ICE1: variants seen among roughly 807,000 people sequenced by gnomAD.
ICE1 encodes interactor of little elongation complex ELL subunit 1.
A neutral mutation model predicts 192.7 loss-of-function variants in ICE1; 64 were observed. The ratio of observed to expected loss-of-function variants is 0.33; its 90% CI spans 0.27 to 0.41. ICE1 has a LOEUF of 0.41. Ranked by LOEUF, ICE1 falls within the 10% of genes least tolerant of loss-of-function variation. ICE1 has a pLI of 1.00. For missense variants in ICE1, 2,708 were observed against 2,696.0 expected (o/e 1.00, Z -0.10); for synonymous variants, 1,010 against 984.5 (o/e 1.03, Z -0.49).
At position 5,464,221 on chromosome 5, in the gene ICE1, G is replaced by C. The variant is rs892909159; in HGVS notation, c.4887G>C (p.Gly1629=). ...DTLSKIRQEV[G]PPLPPLLAPL... Reference sequence around the variant, plus strand: ...TGAGTAAAATACGGCAAGAGGTGGGGCCTCCTTTGCCGCCTCTGCTTGCTC... The same window carrying C: ...TGAGTAAAATACGGCAAGAGGTGGGCCCTCCTTTGCCGCCTCTGCTTGCTC... The change falls in exon 13 of 19, where the codon GGG becomes GGC. Residue 1629 remains glycine (G), a synonymous_variant. Transcript: ENST00000296564. This position sits in a 1 kb window ranked among gnomAD's most constrained non-coding sequence, Gnocchi z 4.0. 1 of 1,613,320 alleles carries C rather than the reference G, an allele frequency of 6.2e-7. No individual in the cohort carries two copies. Among genetic ancestry groups the C allele is most frequent in the Non-Finnish European group, 8.5e-7 (1 of 1,179,820 alleles).
chr5:5,433,167 A>C (rs1357988194), intron 1 of ICE1, among the ~76,000 whole-genome samples: 2 of 152,112 alleles, frequency 1.3e-5, no homozygotes, highest in Non-Finnish European at 2.9e-5. Context: ...GGTTTATTTA[A>C]TCTTTATGCT....
At chr5:5,438,039 T>C (rs1579543111) in intron 3 of ICE1, among the ~76,000 whole-genome samples, 1 of 152,332 alleles carries the variant, frequency 6.6e-6, no homozygotes, top group Admixed American at 6.5e-5. Context: ...GACTGGGTAA[T>C]GTATAAAGGA....
chr5:5,483,152 G>A (rs563406712), intron 17 of ICE1, among the ~76,000 whole-genome samples: 49 of 152,020 alleles, frequency 3.2e-4, no homozygotes, highest in African/African-American at 1.1e-3. Context: ...CACCATGCTC[G>A]GCTAATTTTT....
chr5:5,457,468 C>T lies in ICE1; in HGVS notation c.828C>T (p.Asp276=). Residue 276 remains aspartate, a synonymous_variant, in exon 12 of 19, where the codon GAC becomes GAT. Coordinates refer to ENST00000296564, the MANE Select transcript of ICE1 (RefSeq NM_015325.3). The part of the protein sequence containing the change: ...LTKLSMEIKE[D]FLCQNVEKQS... The stretch of plus-strand genomic sequence containing the variant: ...AACTGTCCATGGAGATAAAGGAGGA[C>T]TTTTTATGTCAAAATGTGGAAAAAC... The T allele has an allele frequency of 6.2e-7, 1 of 1,613,788 alleles. No individual in the cohort carries two copies. Among genetic ancestry groups the T allele is most frequent in the South Asian group, 1.1e-5 (1 of 91,076 alleles).
rs1370051774 is a variant in ICE1, at chr5:5,462,831, A to G, written c.3497A>G (p.Glu1166Gly). 1 of 1,610,452 alleles carries G rather than the reference A, an allele frequency of 6.2e-7. No homozygotes were observed. Among genetic ancestry groups the G allele is most frequent in the Non-Finnish European group, 8.5e-7 (1 of 1,178,094 alleles). Reference protein sequence around the residue: ...LQDFNISTFSELDRLSTSEVV... With the variant: ...LQDFNISTFSGLDRLSTSEVV... ...GATTTTAACATAAGTACTTTTTCTG[A>G]GCTGGATAGACTTTCCACATCAGAG... Residue 1166 changes from glutamate (E) to glycine (G), a missense_variant, in exon 13 of 19, where the codon GAG becomes GGG. By Grantham distance (98) the Glu-to-Gly change is moderately conservative. Transcript: ENST00000296564.
At chr5:5,429,050 A>C (rs1737616491) in intron 1 of ICE1, among the ~76,000 whole-genome samples, 1 of 152,164 alleles carries the variant, frequency 6.6e-6, no homozygotes, top group African/African-American at 2.4e-5. Flanking sequence ...TATGGGGCAA[A>C]GTCTGGGGAA....
rs1279548932 is a variant in ICE1 at position 5,468,882 on chromosome 5, T to C, written c.6116T>C (p.Ile2039Thr). 3.1e-6 allele frequency: 5 copies of C among 1,601,720 alleles called. No homozygotes were observed. The highest frequency in any genetic ancestry group is 1.7e-5 in the Admixed American group (1 of 57,374). ...TLFIANMWHD[I>T]FLSQSVINKA... ...TTTATTGCAAACATGTGGCATGATA[T>C]ATTTCTCTCTCAATCGGTGATTAAT... Residue 2039 changes from isoleucine to threonine, a missense_variant, in exon 15 of 19, where the codon ATA (isoleucine) becomes ACA (threonine). Transcript: ENST00000296564.
intron 16 of ICE1, 66 bp from the exon 17 acceptor site, chr5:5,475,907 T>C (rs373759552): frequency 1.0e-6 from 1 of 974,074 alleles, no homozygotes; most frequent in Non-Finnish European, 1.6e-6. Context: ...TTAAGGATCA[T>C]TTATAAGATA....
chr5:5,456,068 A>G (rs1738572891), intron 11 of ICE1, among the ~76,000 whole-genome samples: 1 of 152,160 alleles, frequency 6.6e-6, no homozygotes, highest in Middle Eastern at 3.4e-3. Context: ...CTCATGTCAG[A>G]TTGAGGTTGT....
chr5:5,446,698 AGTAAAAAAAATT>A (rs1419239111), intron 7 of ICE1, among the ~76,000 whole-genome samples: 1 of 152,242 alleles, frequency 6.6e-6, no homozygotes, highest in Non-Finnish European at 1.5e-5. Context: ...TAGTTTTTCT[AGTAAAAAAAATT>A]TATCGGTGTG....
chr5:5,466,501 AG>A lies in ICE1; in HGVS notation c.6061+1del. 6.2e-7 allele frequency: 1 copy of A among 1,603,918 alleles called. No homozygotes were observed. Among genetic ancestry groups the A allele is most frequent in the Non-Finnish European group, 8.5e-7 (1 of 1,176,768 alleles). On this transcript the variant is annotated frameshift_variant and splice_region_variant, in exon 14 of 19. Transcript: ENST00000296564. LOFTEE classifies it high-confidence loss of function. Reference sequence around the variant, plus strand: ...TGTTTTGCTACAGCCTACTTAAAGAAGGTATGCTTAGATTGTGACAATTTTG... The same window carrying A: ...TGTTTTGCTACAGCCTACTTAAAGAAGTATGCTTAGATTGTGACAATTTTG... ...RLFCYSLLKEDFPESEKLTLF... is the reference protein window; with the variant it reads ...RLFCYSLLKEXFPESEKLTLF...
Position 5,432,287 on chromosome 5 carries a change from G to A in ICE1, c.85-4131G>A, listed in dbSNP as rs576260990. On this transcript the variant is annotated intron_variant, in intron 1 of 18. Coordinates refer to ENST00000296564, the MANE Select transcript of ICE1 (RefSeq NM_015325.3). The stretch of plus-strand genomic sequence containing the variant: ...CATATGAATGGACTCTAGAATACAC[G>A]TGGACTTTTGTAACTGGCTTTTTTC... 3.3e-5 allele frequency among the ~76,000 whole-genome samples: 5 copies of A among 152,264 alleles called. No homozygotes were observed. In the South Asian group the frequency reaches 6.2e-4, roughly 19 times the overall value.
At chr5:5,427,477 C>A (rs970028671) in intron 1 of ICE1, among the ~76,000 whole-genome samples, 1 of 152,188 alleles carries the variant, frequency 6.6e-6, no homozygotes, top group Non-Finnish European at 1.5e-5. Flanking sequence ...CAGTTGGATT[C>A]TCCTGGGGAT....
rs1471000092 is a variant in ICE1 at position 5,461,123 on chromosome 5, G to C, written c.1789G>C (p.Glu597Gln). Reference protein sequence around the residue: ...RLSRELEKEKEDTQGFTLGES... With the variant: ...RLSRELEKEKQDTQGFTLGES... ...ATCTAGAGAATTGGAAAAGGAAAAA[G>C]AAGATACTCAAGGGTTCACTTTAGG... The change falls in exon 13 of 19, where the codon GAA (glutamate) becomes CAA (glutamine). Residue 597 changes from glutamate to glutamine, a missense_variant. Transcript: ENST00000296564. The C allele has an allele frequency of 6.2e-7, 1 of 1,614,008 alleles. No individual in the cohort carries two copies. Among genetic ancestry groups the C allele is most frequent in the Non-Finnish European group, 8.5e-7 (1 of 1,179,892 alleles).
chr5:5,471,170 G>A (rs1739146156), intron 15 of ICE1, among the ~76,000 whole-genome samples: 1 of 152,146 alleles, frequency 6.6e-6, no homozygotes. Context: ...AGCAAAAATA[G>A]TGAAGATTTG....
intron 7 of ICE1, among the ~76,000 whole-genome samples, chr5:5,446,403 T>G (rs996127338): frequency 1.3e-5 from 2 of 152,048 alleles, no homozygotes; most frequent in Non-Finnish European, 2.9e-5. Flanking sequence ...CAGGTGATTA[T>G]TCCACCTCCT....
rs1385498840 is a variant in ICE1 at position 5,433,626 on chromosome 5, G to A, written c.85-2792G>A. Among the ~76,000 whole-genome samples the A allele has an allele frequency of 1.3e-5, 2 of 152,172 alleles. 1 individual carries two copies. On this transcript the variant is annotated intron_variant, in intron 1 of 18. Transcript: ENST00000296564. ...TGCATGCATCCACCCTCTCTGCCCA[G>A]AAATCTGGATTAGGGCCCACTCTAG... is the stretch of plus-strand genomic sequence containing the variant.
intron 1 of ICE1, among the ~76,000 whole-genome samples, chr5:5,434,923 A>C (rs1405912498): frequency 6.6e-6 from 1 of 152,216 alleles, no homozygotes; most frequent in African/African-American, 2.4e-5. Context: ...ATGTCTATTG[A>C]CTATTCCAAA....
Position 5,460,723 on chromosome 5 carries a change from C to A in ICE1, c.1389C>A (p.His463Gln). 6.2e-7 allele frequency: 1 copy of A among 1,614,004 alleles called. No homozygotes were observed. ...CACACTCCTTAGTTGGTGAAAAACA[C>A]TGGACCACAGCATCTCGATCCATGA... Reference protein sequence around the residue: ...SATHSLVGEKHWTTASRSMSD... With the variant: ...SATHSLVGEKQWTTASRSMSD... The change falls in exon 13 of 19, where the codon CAC becomes CAA. Residue 463 changes from histidine (H) to glutamine (Q), a missense_variant. Physicochemically the swap from His to Gln is conservative, Grantham distance 24. Around this residue, in one of 2 missense-constraint regions of ICE1, gnomAD observed 2,366 missense variants for 2,276.6 expected, o/e 1.04. Transcript: ENST00000296564.
Sources: gnomAD v4.1 joint callset for allele counts (sites outside exome capture counted in the v4.1 genomes callset) on GRCh38, gnomAD v4.1.1 for gene constraint, gnomAD v4.1.1 regional missense constraint, Gnocchi (gnomAD v3.1) non-coding constraint, MANE v1.5 for transcripts, NCBI Gene and HGNC (gene_info 2026-07-23, HGNC 2026-07-21) for gene names.